Variants in PRMT3 observed in about 807,000 individuals in gnomAD.
PRMT3 encodes protein arginine methyltransferase 3.
In PRMT3, 62 loss-of-function variants were observed where a neutral mutation model predicts 71.9. The ratio of observed to expected loss-of-function variants is 0.86; its 90% CI spans 0.70 to 1.07. PRMT3 has a LOEUF of 1.07. Ranked by LOEUF, PRMT3 falls within the 50% of genes least tolerant of loss-of-function variation. The pLI, the probability that PRMT3 is intolerant of heterozygous loss-of-function variation, is 0.00. For synonymous variants in PRMT3, 213 were observed against 220.4 expected (o/e 0.97, Z 0.30); for missense variants, 663 against 643.0 (o/e 1.03, Z -0.34).
intron 13 of PRMT3, among the ~76,000 whole-genome samples, chr11:20,467,642 A>G (rs566989421): frequency 1.2e-4 from 18 of 152,366 alleles, no homozygotes; most frequent in East Asian, 9.6e-4. Context: ...GACAGGCCTC[A>G]CAGATTCATG....
intron 4 of PRMT3, 127 bp from the exon 5 acceptor site, chr11:20,392,770 T>G (rs1408160172): frequency 3.4e-5 from 21 of 615,258 alleles, no homozygotes; most frequent in Non-Finnish European, 5.4e-5. Flanking sequence ...ACGTAGACTT[T>G]TTGGAGACAT....
At chr11:20,494,141 A>C (rs760010600) in intron 14 of PRMT3, 26 bp from the exon 15 acceptor site, 5 of 1,562,608 alleles carry the variant, frequency 3.2e-6, no homozygotes, top group South Asian at 1.1e-5. Context: ...TACTTCATCA[A>C]ATACCTTTGA....
Position 20,426,622 on chromosome 11 carries a change from T to A in PRMT3, c.894-144T>A, listed in dbSNP as rs557976441. ...ATGCATGGAGTAACCATAAAATAAT[T>A]ACAATGTCCAAAGAACAACTAAGCT... is the stretch of plus-strand genomic sequence containing the variant. On this transcript the variant is annotated intron_variant, in intron 9 of 15. Transcript: ENST00000331079. 5 of 894,562 alleles carry A rather than the reference T, an allele frequency of 5.6e-6. No individual in the cohort carries two copies. In the Admixed American group the frequency reaches 2.3e-4, roughly 41 times the overall value. 55.4% of individuals were successfully genotyped at this position (894,562 alleles called of 1,614,324 possible). A position where few individuals can be genotyped will look rare whatever the true frequency, so the allele number is the denominator to read the frequency against.
Position 20,508,489 on chromosome 11 carries a change from A to T in PRMT3, c.*76A>T, listed in dbSNP as rs1346004899. On this transcript the variant is annotated 3_prime_UTR_variant, in exon 16 of 16. Transcript: ENST00000331079. The stretch of plus-strand genomic sequence containing the variant: ...GGGTCAGCAGGAGGGAGCTGGTTTT[A>T]TGTGAGCAGATGGATGGATGATGGA... 3 of 949,530 alleles carry T rather than the reference A, an allele frequency of 3.2e-6. No homozygotes were observed. In the Admixed American group the frequency reaches 5.2e-5, roughly 17 times the overall value. 58.8% of individuals were successfully genotyped at this position (949,530 alleles called of 1,614,324 possible).
chr11:20,393,492 C>A (rs931001680), intron 5 of PRMT3, among the ~76,000 whole-genome samples: 4 of 152,188 alleles, frequency 2.6e-5, no homozygotes, highest in Admixed American at 2.0e-4. Context: ...GAGGTTTATA[C>A]ACATTTATAA....
chr11:20,410,831 A>G (rs982314179), intron 9 of PRMT3, among the ~76,000 whole-genome samples: 6 of 152,076 alleles, frequency 3.9e-5, no homozygotes, highest in African/African-American at 1.4e-4. Flanking sequence ...TCAGTGGGCA[A>G]AAATAGAAGT....
intron 13 of PRMT3, among the ~76,000 whole-genome samples, chr11:20,484,261 T>C (rs774429476): frequency 9.2e-5 from 14 of 152,128 alleles, no homozygotes; most frequent in Non-Finnish European, 1.6e-4. Context: ...ATAAATATAG[T>C]GAGTGTTATT....
At chr11:20,507,860 A>G (rs924771055) in intron 15 of PRMT3, among the ~76,000 whole-genome samples, 6 of 150,706 alleles carry the variant, frequency 4.0e-5, no homozygotes, top group African/African-American at 1.5e-4. Context: ...TATTCCCAGC[A>G]CTTTGGGAGG....
chr11:20,498,666 G>T (rs1184852304), intron 15 of PRMT3, among the ~76,000 whole-genome samples: 1 of 152,142 alleles, frequency 6.6e-6, no homozygotes, highest in Non-Finnish European at 1.5e-5. Flanking sequence ...GGAGGCAGAG[G>T]TTGCAGTGAG....
At position 20,508,909 on chromosome 11, in the gene PRMT3, T is replaced by G. The variant is rs1305825368; in HGVS notation, c.*496T>G. ...GTAATAAAGATTTGTATAAAAAAAC[T>G]AAAATATGGAAAAGAGCTTCAGCCT... On this transcript the variant is annotated 3_prime_UTR_variant, in exon 16 of 16. Transcript: ENST00000331079. The G allele has an allele frequency of 5.3e-6, 1 of 188,992 alleles. No homozygotes were observed. The highest frequency in any genetic ancestry group is 1.1e-5 in the Non-Finnish European group (1 of 88,628). The allele number at this position is 188,992 out of a possible 1,614,324, so 11.7% of individuals were successfully genotyped here.
At chr11:20,468,539 T>C (rs2133412011) in intron 13 of PRMT3, among the ~76,000 whole-genome samples, 1 of 152,240 alleles carries the variant, frequency 6.6e-6, no homozygotes, top group African/African-American at 2.4e-5. Context: ...CGGCTAATTT[T>C]TGTATTTTTA....
intron 13 of PRMT3, among the ~76,000 whole-genome samples, chr11:20,469,435 A>G (rs1175142111): frequency 6.6e-6 from 1 of 152,230 alleles, no homozygotes; most frequent in East Asian, 1.9e-4. Context: ...CTAAGTATAC[A>G]TTAAATGATT....
At chr11:20,440,604 G>T (rs1303581910) in intron 10 of PRMT3, among the ~76,000 whole-genome samples, 1 of 151,550 alleles carries the variant, frequency 6.6e-6, no homozygotes, top group African/African-American at 2.4e-5. Flanking sequence ...CAGTTGTTCT[G>T]GATGTCTTTT....
intron 6 of PRMT3, among the ~76,000 whole-genome samples, chr11:20,397,031 T>A (rs1848841750): frequency 6.6e-6 from 1 of 152,208 alleles, no homozygotes; most frequent in Admixed American, 6.5e-5. Context: ...CAACACCAGC[T>A]CTACCTTTTG....
At chr11:20,496,420 GGGGAGTTAATGTAA>G (rs1232781351) in intron 15 of PRMT3, among the ~76,000 whole-genome samples, 1 of 152,052 alleles carries the variant, frequency 6.6e-6, no homozygotes. Context: ...CCTGTCTCTT[GGGGAGTTAATGTAA>G]GGGAGGCAAC....
chr11:20,431,099 A>G (rs1849644881), intron 10 of PRMT3, among the ~76,000 whole-genome samples: 1 of 152,198 alleles, frequency 6.6e-6, no homozygotes, highest in South Asian at 2.1e-4. Flanking sequence ...TTGCAAACAC[A>G]TAGACTAAGT....
At chr11:20,388,868 A>G (rs1211082385) in intron 2 of PRMT3, among the ~76,000 whole-genome samples, 1 of 152,234 alleles carries the variant, frequency 6.6e-6, no homozygotes, top group African/African-American at 2.4e-5. Context: ...AGTAGGCATG[A>G]AAGAGGCCCG....
intron 9 of PRMT3, among the ~76,000 whole-genome samples, chr11:20,417,646 T>G (rs750993677): frequency 1.7e-4 from 26 of 152,214 alleles, no homozygotes; most frequent in Non-Finnish European, 2.9e-4. Flanking sequence ...AAGTAAAATA[T>G]AGACTTGAAG....
intron 10 of PRMT3, among the ~76,000 whole-genome samples, chr11:20,436,890 G>A (rs1849772801): frequency 6.6e-6 from 1 of 152,112 alleles, no homozygotes; most frequent in Non-Finnish European, 1.5e-5. Flanking sequence ...GTACAATTTA[G>A]CAGTGAAAGC....
Sources: allele counts gnomAD v4.1 joint callset (sites outside exome capture counted in the v4.1 genomes callset), GRCh38; gene constraint gnomAD v4.1.1; transcripts MANE v1.5; gene names NCBI Gene and HGNC (gene_info 2026-07-23, HGNC 2026-07-21).